The following CDH20 variants were observed in gnomAD, a reference collection of about 807,000 sequenced individuals.
CDH20 encodes cadherin-20.
A neutral mutation model predicts 74.2 loss-of-function variants in CDH20; 29 were observed. That is an observed-to-expected ratio of 0.39 (90% confidence interval 0.29 to 0.53). CDH20 has a LOEUF of 0.53. CDH20 is among the 20% of genes least tolerant of loss of function. The probability of loss-of-function intolerance (pLI) is 0.69; values close to 1 mark genes in which losing one functional copy is unlikely to be tolerated. For synonymous variants in CDH20, 469 were observed against 405.4 expected (o/e 1.16, Z -1.88); for missense variants, 988 against 1,048.3 (o/e 0.94, Z 0.79).
intron 6 of CDH20, among the ~76,000 whole-genome samples, chr18:61,523,980 C>G (rs1912299961): frequency 6.6e-6 from 1 of 151,988 alleles, no homozygotes; most frequent in Non-Finnish European, 1.5e-5. Flanking sequence ...TTGATAGGTG[C>G]AGCAAACCAC....
chr18:61,363,716 G>T (rs1314852517), intron 1 of CDH20, among the ~76,000 whole-genome samples: 2 of 152,068 alleles, frequency 1.3e-5, no homozygotes, highest in Non-Finnish European at 1.5e-5. Context: ...TTATGAAGAA[G>T]GTCTATAAAA....
intron 1 of CDH20, among the ~76,000 whole-genome samples, chr18:61,344,655 CTTTAAGTAAAT>C (rs1273766902): frequency 2.0e-5 from 3 of 152,080 alleles, no homozygotes; most frequent in Non-Finnish European, 4.4e-5. Context: ...CATGAGTTAA[CTTTAAGTAAAT>C]GAGCAAAATA....
chr18:61,493,455 C>G (rs1233615228), intron 2 of CDH20, among the ~76,000 whole-genome samples: 5 of 152,186 alleles, frequency 3.3e-5, no homozygotes, highest in African/African-American at 1.2e-4. Flanking sequence ...GCTATCAGAG[C>G]TCCTAGCATG....
chr18:61,425,923 A>G (rs1913055063), intron 1 of CDH20, among the ~76,000 whole-genome samples: 1 of 152,186 alleles, frequency 6.6e-6, no homozygotes, highest in African/African-American at 2.4e-5. Context: ...GGATTGGAAG[A>G]CTTAATATTG....
intron 1 of CDH20, among the ~76,000 whole-genome samples, chr18:61,418,184 T>C (rs925699877): frequency 5.2e-4 from 79 of 152,204 alleles, no homozygotes; most frequent in African/African-American, 1.7e-3. Context: ...AACCTAGTTA[T>C]TTAAGCTGTT....
rs757429801 is a variant in CDH20 at position 61,503,068 on chromosome 18, A to T, written c.777A>T (p.Thr259=). The change falls in exon 5 of 12, where the codon ACA becomes ACT. Residue 259 remains threonine (T), a synonymous_variant. Transcript: ENST00000262717. The part of the protein sequence containing the change: ...GQLGGLAGTT[T]VNITLSDVND... ...TTGGAGGATTAGCTGGGACCACAACAGTCAACATCACCCTCTCAGATGTCA... is the reference window on the plus strand; with the variant it reads ...TTGGAGGATTAGCTGGGACCACAACTGTCAACATCACCCTCTCAGATGTCA... 33 of 1,613,690 alleles carry T rather than the reference A, an allele frequency of 2.0e-5. No homozygotes were observed. The East Asian group carries it at 7.1e-4, about 35-fold the overall frequency.
intron 1 of CDH20, among the ~76,000 whole-genome samples, chr18:61,489,744 C>T (rs969907433): frequency 6.6e-6 from 1 of 151,914 alleles, no homozygotes; most frequent in Admixed American, 6.6e-5. Context: ...CCATTTAAAT[C>T]CTGGAAAGGT....
chr18:61,338,568 C>T (rs1023872699), intron 1 of CDH20, among the ~76,000 whole-genome samples: 1 of 152,090 alleles, frequency 6.6e-6, no homozygotes, highest in Non-Finnish European at 1.5e-5. Flanking sequence ...ATCTGGCCTA[C>T]AAATATGTCA....
At chr18:61,350,212 C>CGAAGA (rs1910259950) in intron 1 of CDH20, among the ~76,000 whole-genome samples, 1 of 152,148 alleles carries the variant, frequency 6.6e-6, no homozygotes, top group Non-Finnish European at 1.5e-5. Context: ...CTGTCTTCTT[C>CGAAGA]AGACATACCC....
At chr18:61,354,566 A>G (rs4940515) in intron 1 of CDH20, among the ~76,000 whole-genome samples, 141,020 of 152,094 alleles carry the variant, frequency 0.93, 65,731 homozygotes, top group Non-Finnish European at 0.97. Context: ...CCGAAATAGC[A>G]CCACTGCACT....
chr18:61,415,799 G>A (rs773331530), intron 1 of CDH20, among the ~76,000 whole-genome samples: 12 of 151,762 alleles, frequency 7.9e-5, no homozygotes, highest in African/African-American at 1.9e-4. Flanking sequence ...TAAAAGCAGC[G>A]GACCACAAAG....
At chr18:61,427,941 A>AG (rs1442844962) in intron 1 of CDH20, among the ~76,000 whole-genome samples, 1 of 152,216 alleles carries the variant, frequency 6.6e-6, no homozygotes, top group African/African-American at 2.4e-5. Context: ...ACCTACAAGC[A>AG]TTTGCTGAGC....
At chr18:61,500,614 A>G (rs1911343628) in intron 4 of CDH20, 112 bp downstream of exon 4, 1 of 1,122,038 alleles carries the variant, frequency 8.9e-7, no homozygotes, top group East Asian at 2.4e-5. Flanking sequence ...TGTATTAACC[A>G]GAGAAGACTG....
chr18:61,448,457 A>G (rs1909271923), intron 1 of CDH20, among the ~76,000 whole-genome samples: 1 of 152,216 alleles, frequency 6.6e-6, no homozygotes. Flanking sequence ...ACCAGGTGAT[A>G]TAGAAAGTGA....
At chr18:61,456,008 C>T (rs1025011985) in intron 1 of CDH20, among the ~76,000 whole-genome samples, 2 of 152,076 alleles carry the variant, frequency 1.3e-5, no homozygotes, top group South Asian at 2.1e-4. Flanking sequence ...AATCCTGGAC[C>T]CCCTTCACTG....
intron 1 of CDH20, among the ~76,000 whole-genome samples, chr18:61,424,943 G>A (rs1024943384): frequency 1.3e-5 from 2 of 151,786 alleles, no homozygotes; most frequent in Non-Finnish European, 2.9e-5. Flanking sequence ...TAATAATTAG[G>A]TTCTTGAGCT....
Position 61,496,144 on chromosome 18 carries a change from T to TCCC in CDH20, c.247-3040_247-3039insCCC, listed in dbSNP as rs1281174384. ...TCTCCCCCTCTCTCCTCCCTTCCTC[T>TCCC]CCTCCTCTCTCCTCCCCTCCTCTCC... On this transcript the variant is annotated intron_variant, in intron 2 of 11. Transcript: ENST00000262717. 6.2e-4 allele frequency among the ~76,000 whole-genome samples: 10 copies of TCCC among 16,214 alleles called. 3 individuals are homozygous for TCCC. The highest frequency in any genetic ancestry group is 2.5e-3 in the African/African-American group (9 of 3,536). The allele number at this position is 16,214 out of a possible 152,430, so 10.6% of individuals were successfully genotyped here.
chr18:61,500,139 A>C, intron 3 of CDH20, among the ~76,000 whole-genome samples: 1 of 114,414 alleles, frequency 8.7e-6, no homozygotes, highest in Non-Finnish European at 1.8e-5. Context: ...AAAAAAAAAA[A>C]AAAAAAAAAA....
At chr18:61,357,764 C>A (rs1241903966) in intron 1 of CDH20, among the ~76,000 whole-genome samples, 2 of 152,048 alleles carry the variant, frequency 1.3e-5, no homozygotes, top group Admixed American at 1.3e-4. Context: ...GGGTACATGA[C>A]CCCCAAACAC....
Sources: allele counts gnomAD v4.1 joint callset (sites outside exome capture counted in the v4.1 genomes callset), GRCh38; gene constraint gnomAD v4.1.1; transcripts MANE v1.5; gene names NCBI Gene and HGNC (gene_info 2026-07-23, HGNC 2026-07-21).